The following WDPCP variants were observed in gnomAD, a reference collection of about 807,000 sequenced individuals.
The protein encoded by WDPCP is WD repeat-containing and planar cell polarity effector protein fritz homolog.
Under a neutral mutation model 93.1 loss-of-function variants are expected in WDPCP, and 71 were observed. That is an observed-to-expected ratio of 0.76 (90% CI 0.63 to 0.93). The LOEUF (loss-of-function observed/expected upper bound fraction) is 0.93, where lower values mean the gene tolerates loss of function less well. WDPCP is among the 40% of genes least tolerant of loss of function. The pLI is 0.00. For missense variants in WDPCP, 844 were observed against 887.4 expected (o/e 0.95, Z 0.62); for synonymous variants, 315 against 315.0 (o/e 1.00, Z 0.00).
intron 1 of WDPCP, among the ~76,000 whole-genome samples, chr2:63,577,311 C>T (rs565594682): frequency 4.6e-5 from 7 of 152,094 alleles, no homozygotes; most frequent in Non-Finnish European, 1.0e-4. Context: ...ACTGTCAACA[C>T]CCTTAACAAT....
At chr2:63,222,832 A>C (rs1383364474) in intron 14 of WDPCP, among the ~76,000 whole-genome samples, 1 of 152,160 alleles carries the variant, frequency 6.6e-6, no homozygotes, top group African/African-American at 2.4e-5. Flanking sequence ...TTCTCTATAA[A>C]GTTATGACAT....
chr2:63,452,561 T>C (rs527878988), intron 6 of WDPCP, among the ~76,000 whole-genome samples: 20 of 152,076 alleles, frequency 1.3e-4, no homozygotes, highest in Admixed American at 3.3e-4. Flanking sequence ...CAAGCTACCA[T>C]TGACTTTCTT....
chr2:63,782,740 ATGTGTG>A (rs70965143), intron 2 of WDPCP, among the ~76,000 whole-genome samples: 3,875 of 141,220 alleles, frequency 0.027, 153 homozygotes, highest in African/African-American at 0.089. Flanking sequence ...CACAGGCAAC[ATGTGTG>A]TGTGTGTGTG....
At chr2:63,623,530 T>C (rs1344497488) in intron 3 of WDPCP, among the ~76,000 whole-genome samples, 1 of 146,166 alleles carries the variant, frequency 6.8e-6, no homozygotes, top group Non-Finnish European at 1.5e-5. Context: ...AAAGAAGGGG[T>C]TGCATTCCTA....
At chr2:63,253,236 A>C (rs374757735) in intron 14 of WDPCP, among the ~76,000 whole-genome samples, 4 of 152,300 alleles carry the variant, frequency 2.6e-5, no homozygotes, top group South Asian at 2.1e-4. Flanking sequence ...AATTAACTTA[A>C]GATTAATTAA....
chr2:63,225,843 C>G lies in WDPCP; in HGVS notation c.1915+33464G>C, dbSNP rs1293279398. Among the ~76,000 whole-genome samples, 3 of 151,794 alleles carry G rather than the reference C, an allele frequency of 2.0e-5. No homozygotes were observed. The East Asian group carries it at 5.8e-4, about 29-fold the overall frequency. On this transcript the variant is annotated intron_variant, in intron 14 of 17. Transcript: ENST00000272321. The stretch of plus-strand genomic sequence containing the variant: ...AAGGATGTGTAATTCTCTTCCAAAA[C>G]CAGGTGAAACTGATTTATAGTATTA...
intron 13 of WDPCP, among the ~76,000 whole-genome samples, chr2:63,266,831 A>T (rs2677442): frequency 0.79 from 120,543 of 152,138 alleles, 48,204 homozygotes; most frequent in East Asian, 0.96. Flanking sequence ...CAATAAAATT[A>T]AAAAATAAAT....
intron 1 of WDPCP, among the ~76,000 whole-genome samples, chr2:63,576,934 T>C (rs1708156074): frequency 6.6e-6 from 1 of 152,124 alleles, no homozygotes; most frequent in South Asian, 2.1e-4. Flanking sequence ...AAAATCAGAT[T>C]TTCATAGCCA....
chr2:63,458,913 G>C (rs1448363046), intron 6 of WDPCP, among the ~76,000 whole-genome samples: 2 of 152,192 alleles, frequency 1.3e-5, no homozygotes, highest in East Asian at 3.9e-4. Flanking sequence ...TAGAGACACA[G>C]AGATAAATCC....
chr2:63,479,024 C>CAA lies in WDPCP; in HGVS notation c.384+5578_384+5579dup, dbSNP rs796235188. On this transcript the variant is annotated intron_variant, in intron 6 of 17. Coordinates refer to ENST00000272321, the MANE Select transcript of WDPCP (RefSeq NM_015910.7). ...TATTACAACCAATACCACAGAAATA[C>CAA]AAAAAAAAAAAATCATTCAAGGCTA... Among the ~76,000 whole-genome samples, 31 of 141,260 alleles carry CAA rather than the reference C, an allele frequency of 2.2e-4. No homozygotes were observed. The South Asian group carries it at 6.2e-3, about 28-fold the overall frequency. The allele number at this position is 141,260 out of a possible 152,430, so 92.7% of individuals were successfully genotyped here. A position where few individuals can be genotyped will look rare whatever the true frequency, so the allele number is the denominator to read the frequency against.
chr2:63,217,832 G>C (rs937994457), intron 14 of WDPCP, among the ~76,000 whole-genome samples: 2 of 151,976 alleles, frequency 1.3e-5, no homozygotes, highest in African/African-American at 2.4e-5. Context: ...TCTTTTCTTA[G>C]TTGTCAGATA....
chr2:63,723,370 A>G (rs1383464311), intron 2 of WDPCP, among the ~76,000 whole-genome samples: 2 of 151,698 alleles, frequency 1.3e-5, no homozygotes, highest in Non-Finnish European at 2.9e-5. Context: ...ATTTCAAAGT[A>G]TATGTCACTT....
chr2:63,295,527 A>G (rs1201989846), intron 13 of WDPCP, among the ~76,000 whole-genome samples: 1 of 114,034 alleles, frequency 8.8e-6, no homozygotes, highest in African/African-American at 3.8e-5. Flanking sequence ...AAATTTAAAA[A>G]GGTTACAAGA....
At chr2:63,312,952 T>TA (rs1329346680) in intron 13 of WDPCP, among the ~76,000 whole-genome samples, 1 of 151,798 alleles carries the variant, frequency 6.6e-6, no homozygotes, top group Non-Finnish European at 1.5e-5. Flanking sequence ...GCTTACTAGA[T>TA]AGATAGGTGT....
chr2:63,375,072 G>C (rs1308548972), intron 12 of WDPCP, among the ~76,000 whole-genome samples: 1 of 151,946 alleles, frequency 6.6e-6, no homozygotes, highest in Non-Finnish European at 1.5e-5. Context: ...CAGTTAAGAA[G>C]GGGGAAAAGT....
chr2:63,298,713 G>A (rs1485543351), intron 13 of WDPCP, among the ~76,000 whole-genome samples: 1 of 152,052 alleles, frequency 6.6e-6, no homozygotes, highest in African/African-American at 2.4e-5. Flanking sequence ...CCATTACTGG[G>A]TTCCTTGGCA....
Position 63,588,184 on chromosome 2 carries a change from G to A in WDPCP, c.75+13C>T, listed in dbSNP as rs182759221. 231 of 1,560,158 alleles carry A rather than the reference G, an allele frequency of 1.5e-4. 1 individual carries two copies. The highest frequency in any genetic ancestry group is 5.4e-4 in the Admixed American group (29 of 53,854). ...GTTAAAAGAAAACCCCTTGCCCTCG[G>A]GCCAGGGCTCACCTGTCTCGGGAGT... is the stretch of plus-strand genomic sequence containing the variant. On this transcript the variant is annotated intron_variant, in intron 1 of 17. Coordinates refer to ENST00000272321, the MANE Select transcript of WDPCP (RefSeq NM_015910.7).
Position 63,795,571 on chromosome 2 carries a change from AAGAC to A in WDPCP, n.308+18047_308+18050del, listed in dbSNP as rs983915569. ...AGAGGGGGGAAGAAAGAAAGAAAGAAAGACAGACAGAAAGAAGGAAAGAAAGAAA... is the reference window on the plus strand; with the variant it reads ...AGAGGGGGGAAGAAAGAAAGAAAGAAAGACAGAAAGAAGGAAAGAAAGAAA... On this transcript the variant is annotated intron_variant and non_coding_transcript_variant, in intron 2 of 4. Transcript: ENST00000467687. 6.1e-4 allele frequency among the ~76,000 whole-genome samples: 93 copies of A among 152,090 alleles called. 2 individuals are homozygous for A. The highest frequency in any genetic ancestry group is 3.7e-3 in the East Asian group (19 of 5,176).
intron 1 of WDPCP, among the ~76,000 whole-genome samples, chr2:63,583,844 G>C (rs1436090280): frequency 1.3e-5 from 2 of 152,094 alleles, no homozygotes; most frequent in East Asian, 3.8e-4. Context: ...AGTGGTCAGT[G>C]CCTGTAGTCC....
Sources: gnomAD v4.1 joint callset for allele counts (sites outside exome capture counted in the v4.1 genomes callset) on GRCh38, gnomAD v4.1.1 for gene constraint, MANE v1.5 for transcripts, NCBI Gene and HGNC (gene_info 2026-07-23, HGNC 2026-07-21) for gene names.